ADGRB1: variants seen among roughly 807,000 people sequenced by gnomAD.
The protein encoded by ADGRB1 is adhesion G protein-coupled receptor B1.
ADGRB1 carries 36 observed loss-of-function variants against 175.7 expected under a neutral mutation model. The ratio of observed to expected loss-of-function variants is 0.20; its 90% CI spans 0.16 to 0.27. The LOEUF (loss-of-function observed/expected upper bound fraction) is 0.27, where lower values mean the gene tolerates loss of function less well. ADGRB1 is among the 10% of genes least tolerant of loss of function. The probability of loss-of-function intolerance (pLI) is 1.00; values close to 1 mark genes in which losing one functional copy is unlikely to be tolerated. For missense variants in ADGRB1, 1,731 were observed against 2,255.3 expected, an observed-to-expected ratio of 0.77 and a Z score of 4.71; for synonymous variants, 1,054 against 979.4, an observed-to-expected ratio of 1.08 and a Z score of -1.42.
At chr8:142,533,208 C>T in intron 24 of ADGRB1, 87 bp from the exon 25 acceptor site, 4 of 1,354,392 alleles carry the variant, frequency 3.0e-6, no homozygotes, top group Non-Finnish European at 3.9e-6. Flanking sequence ...GCTGGGTCCC[C>T]ACCGAGGCCT....
At chr8:142,505,941 C>G (rs1563722216) in intron 17 of ADGRB1, among the ~76,000 whole-genome samples, 1 of 152,136 alleles carries the variant, frequency 6.6e-6, no homozygotes, top group Non-Finnish European at 1.5e-5. Context: ...ACCCAAGGCT[C>G]CGGGTGAGCG....
chr8:142,476,091 T>C (rs1487093161), intron 3 of ADGRB1, among the ~76,000 whole-genome samples: 2 of 152,256 alleles, frequency 1.3e-5, no homozygotes, highest in African/African-American at 4.8e-5. Context: ...GGATACTGCC[T>C]CCAGAATGTA....
intron 18 of ADGRB1, among the ~76,000 whole-genome samples, chr8:142,513,028 C>T (rs1458016835): frequency 2.0e-5 from 3 of 151,346 alleles, no homozygotes; most frequent in East Asian, 3.9e-4. Context: ...GCAGGCGGTT[C>T]GTGGCTGCTG....
chr8:142,502,406 T>TGGG (rs1842641469), intron 17 of ADGRB1, among the ~76,000 whole-genome samples: 1 of 136,934 alleles, frequency 7.3e-6, no homozygotes, highest in Non-Finnish European at 1.6e-5. Context: ...GTGATGGTGG[T>TGGG]GGTGGTGGTG....
At chr8:142,518,722 T>G (rs1209575448) in intron 19 of ADGRB1, among the ~76,000 whole-genome samples, 1 of 152,148 alleles carries the variant, frequency 6.6e-6, no homozygotes, top group East Asian at 1.9e-4. Context: ...TGTGGAGAGA[T>G]GTGGAGGAGA....
chr8:142,533,071 G>A (rs905037629), intron 24 of ADGRB1, among the ~76,000 whole-genome samples: 1 of 152,112 alleles, frequency 6.6e-6, no homozygotes, highest in Non-Finnish European at 1.5e-5. Flanking sequence ...GGACAGGATT[G>A]GGGGAGTCCT....
chr8:142,485,786 C>T (rs1371450890), intron 13 of ADGRB1, among the ~76,000 whole-genome samples: 1 of 152,212 alleles, frequency 6.6e-6, no homozygotes, highest in Non-Finnish European at 1.5e-5. Flanking sequence ...TGCTTCATAA[C>T]CCTGTCTCAG....
At chr8:142,475,701 G>GA (rs1343091806) in intron 3 of ADGRB1, 66 bp downstream of exon 3, 1 of 1,211,162 alleles carries the variant, frequency 8.3e-7, no homozygotes, top group Non-Finnish European at 1.0e-6. Context: ...GGGAGGAGAG[G>GA]GGGGTGGGGC....
At chr8:142,526,019 G>A (rs1392532585) in intron 23 of ADGRB1, among the ~76,000 whole-genome samples, 1 of 152,200 alleles carries the variant, frequency 6.6e-6, no homozygotes, top group Non-Finnish European at 1.5e-5. Flanking sequence ...ACAGTGGCAG[G>A]CATGGGAGAC....
chr8:142,465,066 G>T, intron 2 of ADGRB1, 84 bp downstream of exon 2: 1 of 1,196,056 alleles, frequency 8.4e-7, no homozygotes, highest in Non-Finnish European at 1.1e-6. Flanking sequence ...GGCGGATGGG[G>T]GAAGTGGGCG....
At chr8:142,512,361 T>C (rs57276197) in intron 18 of ADGRB1, among the ~76,000 whole-genome samples, 8,135 of 152,244 alleles carry the variant, frequency 0.053, 386 homozygotes, top group African/African-American at 0.13. Flanking sequence ...TGGCCTTCTG[T>C]GTAGGAGGAC....
chr8:142,491,250 G>A (rs1199995278), intron 17 of ADGRB1, among the ~76,000 whole-genome samples: 5 of 152,264 alleles, frequency 3.3e-5, no homozygotes, highest in Non-Finnish European at 7.3e-5. Flanking sequence ...TCAGATGGGG[G>A]CGTGGGCCCC....
intron 1 of ADGRB1, among the ~76,000 whole-genome samples, chr8:142,451,726 G>C (rs1839362973): frequency 6.6e-6 from 1 of 152,190 alleles, no homozygotes; most frequent in African/African-American, 2.4e-5. Flanking sequence ...GGAGGCGGGG[G>C]AAAGGGGAGC....
intron 17 of ADGRB1, among the ~76,000 whole-genome samples, chr8:142,506,193 C>T (rs529374842): frequency 3.3e-5 from 5 of 152,282 alleles, no homozygotes; most frequent in South Asian, 2.1e-4. Context: ...TGGCAGGAGC[C>T]GAGTGGGAGG....
At chr8:142,475,694 A>T in intron 3 of ADGRB1, 59 bp downstream of exon 3, 10 of 549,390 alleles carry the variant, frequency 1.8e-5, no homozygotes, top group East Asian at 1.5e-4. Context: ...CCTGTGAGGG[A>T]GGAGAGGGGG....
chr8:142,482,358 G>C (rs1021080576), intron 11 of ADGRB1, among the ~76,000 whole-genome samples: 1 of 150,418 alleles, frequency 6.6e-6, no homozygotes, highest in Admixed American at 6.6e-5. Flanking sequence ...ACTGAGCCCT[G>C]ACCCTGGTCA....
chr8:142,489,245 G>A, intron 15 of ADGRB1, 91 bp from the exon 16 acceptor site: 3 of 1,560,704 alleles, frequency 1.9e-6, no homozygotes, highest in South Asian at 1.1e-5. Flanking sequence ...GTGGCGGCGG[G>A]TACAGGGGCC....
chr8:142,495,740 C>T lies in ADGRB1; in HGVS notation c.2675+4925C>T, dbSNP rs186476948. Among the ~76,000 whole-genome samples, 235 of 152,202 alleles carry T rather than the reference C, an allele frequency of 1.5e-3. 1 individual carries two copies. The highest frequency in any genetic ancestry group is 5.0e-3 in the African/African-American group (206 of 41,500). On this transcript the variant is annotated intron_variant, in intron 17 of 30. Transcript: ENST00000517894. ...CCCCAATAATGGATCTGTGCCCCCC[C>T]GCCAAACCCAGTGTGGTATCAGTCA...
Position 142,543,311 on chromosome 8 carries a change from G to A in ADGRB1, c.4414-92G>A, listed in dbSNP as rs950268959. 1.3e-5 allele frequency: 20 copies of A among 1,538,772 alleles called. No homozygotes were observed. Among genetic ancestry groups the A allele is most frequent in the Admixed American group, 1.8e-5 (1 of 55,726 alleles). ...GTCCCTGAAGGCAGGCATGGGGCGA[G>A]TGAGTCCCTGATGCCCTCAGTCTGA... On this transcript the variant is annotated intron_variant, in intron 28 of 30. Coordinates refer to ENST00000517894, the MANE Select transcript of ADGRB1 (RefSeq NM_001702.3). The surrounding 1 kb of genome is among the most constrained non-coding windows in gnomAD (Gnocchi z 4.4).
Sources: gnomAD v4.1 joint callset for allele counts (sites outside exome capture counted in the v4.1 genomes callset) on GRCh38, gnomAD v4.1.1 for gene constraint, Gnocchi (gnomAD v3.1) non-coding constraint, MANE v1.5 for transcripts, NCBI Gene and HGNC (gene_info 2026-07-23, HGNC 2026-07-21) for gene names.